Variants in IL22RA2 observed in about 807,000 individuals in gnomAD.
IL22RA2 encodes interleukin-22 receptor subunit alpha-2.
IL22RA2 carries 39 observed loss-of-function variants against 30.7 expected under a neutral mutation model. The ratio of observed to expected loss-of-function variants is 1.27; its 90% CI spans 0.98 to 1.66. The LOEUF is 1.66. Among genes scored for constraint, IL22RA2 ranks in the 40% most tolerant of loss-of-function variants. The probability of loss-of-function intolerance (pLI) is 0.00; values close to 1 mark genes in which losing one functional copy is unlikely to be tolerated. For synonymous variants in IL22RA2, 103 were observed against 105.0 expected, an observed-to-expected ratio of 0.98 and a Z score of 0.11; for missense variants, 315 against 312.7, an observed-to-expected ratio of 1.01 and a Z score of -0.05.
At chr6:137,171,403 T>A (rs1486739089) in intron 1 of IL22RA2, among the ~76,000 whole-genome samples, 2 of 152,068 alleles carry the variant, frequency 1.3e-5, no homozygotes, top group Non-Finnish European at 2.9e-5. Flanking sequence ...CCACCCTCCA[T>A]CACAACCATT....
At chr6:137,153,041 T>G (rs991239033) in intron 5 of IL22RA2, among the ~76,000 whole-genome samples, 1 of 152,190 alleles carries the variant, frequency 6.6e-6, no homozygotes, top group Admixed American at 6.5e-5. Context: ...TTTTCTTTAC[T>G]GCTGGATATA....
intron 1 of IL22RA2, among the ~76,000 whole-genome samples, chr6:137,166,373 G>C (rs1778624756): frequency 6.6e-6 from 1 of 152,168 alleles, no homozygotes; most frequent in African/African-American, 2.4e-5. Flanking sequence ...AAAGAGGATT[G>C]TTAACTACTG....
intron 5 of IL22RA2, among the ~76,000 whole-genome samples, chr6:137,153,178 A>G (rs952266151): frequency 1.3e-5 from 2 of 152,160 alleles, no homozygotes; most frequent in Non-Finnish European, 2.9e-5. Context: ...GTTCATGAGC[A>G]TAGTACTCCA....
intron 6 of IL22RA2, among the ~76,000 whole-genome samples, chr6:137,146,163 C>G (rs549371575): frequency 1.2e-4 from 18 of 152,276 alleles, no homozygotes; most frequent in Non-Finnish European, 1.9e-4. Flanking sequence ...TCCTGAGTAG[C>G]TGGGATTGCA....
At chr6:137,147,415 G>A (rs1447818338) in intron 6 of IL22RA2, among the ~76,000 whole-genome samples, 2 of 146,288 alleles carry the variant, frequency 1.4e-5, no homozygotes, top group Non-Finnish European at 3.0e-5. Flanking sequence ...AAATAAATAA[G>A]GTGTGCAAAG....
chr6:137,161,526 G>T (rs1265469587), intron 2 of IL22RA2, among the ~76,000 whole-genome samples, 163 bp downstream of exon 2: 1 of 152,178 alleles, frequency 6.6e-6, no homozygotes, highest in Non-Finnish European at 1.5e-5. Context: ...GGTCATTCAA[G>T]CTGCAGATAG....
intron 5 of IL22RA2, 25 bp from the exon 6 acceptor site, chr6:137,147,916 A>G (rs1165862804): frequency 6.3e-7 from 1 of 1,580,718 alleles, no homozygotes. Context: ...TAAAAATTTG[A>G]CAAATCATCA....
intron 1 of IL22RA2, among the ~76,000 whole-genome samples, chr6:137,162,995 A>G (rs1778551992): frequency 6.6e-6 from 1 of 152,170 alleles, no homozygotes; most frequent in African/African-American, 2.4e-5. Context: ...ACTCAAGTTA[A>G]AAGGGAATAT....
At chr6:137,172,997 T>C (rs550633951) in intron 1 of IL22RA2, among the ~76,000 whole-genome samples, 6 of 152,252 alleles carry the variant, frequency 3.9e-5, no homozygotes, top group African/African-American at 4.8e-5. Flanking sequence ...ACTGTTGAAA[T>C]TGGGTGTCAG....
chr6:137,173,100 G>C (rs529987418), intron 1 of IL22RA2, among the ~76,000 whole-genome samples: 1 of 152,190 alleles, frequency 6.6e-6, no homozygotes, highest in African/African-American at 2.4e-5. Context: ...GGCCAGACAC[G>C]GTGGCTCACA....
At chr6:137,167,477 G>A (rs961900622) in intron 1 of IL22RA2, among the ~76,000 whole-genome samples, 3 of 152,174 alleles carry the variant, frequency 2.0e-5, no homozygotes, top group Non-Finnish European at 2.9e-5. Flanking sequence ...GTGAGGTCTC[G>A]CAGGAAATGC....
chr6:137,150,569 T>C (rs1228061132), intron 5 of IL22RA2, among the ~76,000 whole-genome samples: 1 of 145,008 alleles, frequency 6.9e-6, no homozygotes, highest in East Asian at 2.1e-4. Flanking sequence ...CCAATTTAAA[T>C]AGAATTGAGC....
In IL22RA2 at chr6:137,145,650, C is replaced by G. The variant is rs1778162519; in HGVS notation, c.766G>C (p.Glu256Gln). ...CATGGAATTTCCACACATCTCTCTTCACTTCTCTGACTTCTTCTGTCTAAC... is the reference window on the plus strand; with the variant it reads ...CATGGAATTTCCACACATCTCTCTTGACTTCTCTGACTTCTTCTGTCTAAC... The part of the protein sequence containing the change: ...PMLDRRSQRS[E>Q]ERCVEIP Residue 256 changes from glutamate to glutamine, a missense_variant, in exon 7 of 7, where the codon GAA becomes CAA. Glu to Gln is a conservative substitution (Grantham distance 29). Transcript: ENST00000296980. The G allele has an allele frequency of 6.2e-7, 1 of 1,610,718 alleles. No individual in the cohort carries two copies. Among genetic ancestry groups the G allele is most frequent in the African/African-American group, 1.3e-5 (1 of 74,880 alleles).
At position 137,144,854 on chromosome 6, in the gene IL22RA2, A is replaced by T. The variant is rs1480499199; in HGVS notation, c.*770T>A. On this transcript the variant is annotated 3_prime_UTR_variant, in exon 7 of 7. Coordinates refer to ENST00000296980, the MANE Select transcript of IL22RA2 (RefSeq NM_052962.3). ...ACATTTAATTTTGAGAATAAAGATAAGTTCTTCTAAGACAGGATTAAAAAC... is the reference window on the plus strand; with the variant it reads ...ACATTTAATTTTGAGAATAAAGATATGTTCTTCTAAGACAGGATTAAAAAC... 4 of 152,248 alleles carry T rather than the reference A, an allele frequency of 2.6e-5. No individual in the cohort carries two copies. Among genetic ancestry groups the T allele is most frequent in the African/African-American group, 9.6e-5 (4 of 41,466 alleles). 9.4% of individuals were successfully genotyped at this position (152,248 alleles called of 1,614,324 possible).
chr6:137,162,363 C>G (rs1294270422), intron 1 of IL22RA2, among the ~76,000 whole-genome samples: 1 of 152,196 alleles, frequency 6.6e-6, no homozygotes, highest in Non-Finnish European at 1.5e-5. Context: ...ACGGGGCTCC[C>G]TGCCGTACTC....
At chr6:137,169,434 A>G (rs1344671548) in intron 1 of IL22RA2, among the ~76,000 whole-genome samples, 1 of 152,236 alleles carries the variant, frequency 6.6e-6, no homozygotes, top group Non-Finnish European at 1.5e-5. Flanking sequence ...GGGCATGTAT[A>G]TTAGGAACAA....
chr6:137,161,895 CT>C, intron 1 of IL22RA2, 81 bp from the exon 2 acceptor site: 1 of 542,490 alleles, frequency 1.8e-6, no homozygotes, highest in Non-Finnish European at 3.4e-6. Context: ...TATTTTGATA[CT>C]ACATTATATT....
chr6:137,163,621 A>G (rs533154102), intron 1 of IL22RA2, among the ~76,000 whole-genome samples: 48 of 152,352 alleles, frequency 3.2e-4, no homozygotes, highest in Non-Finnish European at 4.9e-4. Flanking sequence ...CCCTAAGGCA[A>G]GACCCGTCCC....
chr6:137,170,141 T>C (rs1778702298), intron 1 of IL22RA2, among the ~76,000 whole-genome samples: 1 of 152,164 alleles, frequency 6.6e-6, no homozygotes. Flanking sequence ...ATAAAGGCTC[T>C]GCAAAAGTAC....
Sources: allele counts gnomAD v4.1 joint callset (sites outside exome capture counted in the v4.1 genomes callset), GRCh38; gene constraint gnomAD v4.1.1; transcripts MANE v1.5; gene names NCBI Gene and HGNC (gene_info 2026-07-23, HGNC 2026-07-21).